HIVEP2: variants seen among roughly 807,000 people sequenced by gnomAD.
The protein encoded by HIVEP2 is HIVEP zinc finger 2, also known as transcription factor HIVEP2.
A neutral mutation model predicts 180.7 loss-of-function variants in HIVEP2; 14 were observed. The ratio of observed to expected loss-of-function variants is 0.08; its 90% CI spans 0.05 to 0.12. The LOEUF (loss-of-function observed/expected upper bound fraction) is 0.12. Ranked by LOEUF, HIVEP2 falls within the 10% of genes least tolerant of loss-of-function variation. HIVEP2 has a pLI of 1.00. For synonymous variants in HIVEP2, 1,184 were observed against 1,136.4 expected (o/e 1.04, Z -0.84); for missense variants, 2,579 against 3,008.5 (o/e 0.86, Z 3.34).
intron 1 of HIVEP2, among the ~76,000 whole-genome samples, chr6:142,918,909 C>T (rs1441466141): frequency 1.3e-5 from 2 of 152,152 alleles, no homozygotes; most frequent in Non-Finnish European, 2.9e-5. Flanking sequence ...ATATTAACAC[C>T]TGTAGTTAAC....
At position 142,829,134 on chromosome 6, in the gene HIVEP2, G is replaced by A. The variant is rs117851953; in HGVS notation, c.-528+7801C>T. 1.7e-3 allele frequency among the ~76,000 whole-genome samples: 259 copies of A among 152,214 alleles called. 8 individuals are homozygous for A. The East Asian group carries it at 0.044, about 26-fold the overall frequency. ...ATCTTTCAAACTATAACCCAATCATGTGATTCCTTAGCTCAAAAGTGGGTA... is the reference window on the plus strand; with the variant it reads ...ATCTTTCAAACTATAACCCAATCATATGATTCCTTAGCTCAAAAGTGGGTA... On this transcript the variant is annotated intron_variant, in intron 2 of 9. Coordinates refer to ENST00000367603, the MANE Select transcript of HIVEP2 (RefSeq NM_006734.4).
intron 1 of HIVEP2, among the ~76,000 whole-genome samples, chr6:142,930,122 C>T (rs564652723): frequency 1.4e-4 from 21 of 152,226 alleles, no homozygotes; most frequent in African/African-American, 5.1e-4. Context: ...ATCCTATTTC[C>T]ATGACACACT....
At chr6:142,862,445 ATATAAT>A (rs1232596314) in intron 1 of HIVEP2, among the ~76,000 whole-genome samples, 7 of 114,680 alleles carry the variant, frequency 6.1e-5, no homozygotes, top group African/African-American at 1.5e-4. Flanking sequence ...TTTATAATAC[ATATAAT>A]CGATTATATG....
At chr6:142,826,468 T>C (rs895556037) in intron 2 of HIVEP2, among the ~76,000 whole-genome samples, 2 of 152,212 alleles carry the variant, frequency 1.3e-5, no homozygotes, top group African/African-American at 2.4e-5. Flanking sequence ...GGGAATTCCC[T>C]GAGGATATTT....
intron 1 of HIVEP2, among the ~76,000 whole-genome samples, chr6:142,926,453 TA>T (rs1777812674): frequency 6.6e-6 from 1 of 152,190 alleles, no homozygotes; most frequent in Non-Finnish European, 1.5e-5. Flanking sequence ...CACAACAAAG[TA>T]AAAAGGTGGC....
At chr6:142,885,800 AAC>A (rs1466834874) in intron 1 of HIVEP2, among the ~76,000 whole-genome samples, 1 of 152,212 alleles carries the variant, frequency 6.6e-6, no homozygotes, top group Non-Finnish European at 1.5e-5. Flanking sequence ...AGTAAATTTT[AAC>A]ACAACTTTAT....
chr6:142,786,293 T>C (rs1359051435), intron 2 of HIVEP2, among the ~76,000 whole-genome samples: 3 of 152,230 alleles, frequency 2.0e-5, no homozygotes, highest in Non-Finnish European at 4.4e-5. Flanking sequence ...TTTTAGGTTA[T>C]TAGCTTCATA....
chr6:142,877,009 A>G (rs1055614248), intron 1 of HIVEP2, among the ~76,000 whole-genome samples: 1 of 152,238 alleles, frequency 6.6e-6, no homozygotes, highest in Non-Finnish European at 1.5e-5. Context: ...AGATCGCACC[A>G]CTGCACTCCA....
At chr6:142,844,313 G>A (rs1353587919) in intron 1 of HIVEP2, among the ~76,000 whole-genome samples, 2 of 151,682 alleles carry the variant, frequency 1.3e-5, no homozygotes, top group Non-Finnish European at 1.5e-5. Context: ...TTAATGAAGA[G>A]AATTGCAGAG....
At chr6:142,783,916 T>A (rs1033099333) in intron 2 of HIVEP2, among the ~76,000 whole-genome samples, 34 of 152,236 alleles carry the variant, frequency 2.2e-4, no homozygotes, top group African/African-American at 8.2e-4. Flanking sequence ...GATACGGTTC[T>A]GCCACAAAGC....
intron 1 of HIVEP2, among the ~76,000 whole-genome samples, chr6:142,856,884 G>A (rs728035): frequency 0.23 from 34,893 of 152,142 alleles, 4,908 homozygotes; most frequent in South Asian, 0.35. Flanking sequence ...TGACTGGTCC[G>A]AGACCAACCT....
chr6:142,884,559 T>C (rs1031087449), intron 1 of HIVEP2, among the ~76,000 whole-genome samples: 5 of 152,180 alleles, frequency 3.3e-5, no homozygotes, highest in Admixed American at 2.6e-4. Flanking sequence ...TGTCGTTTCA[T>C]TCACATCAGA....
chr6:142,927,031 G>A (rs1582971901), intron 1 of HIVEP2, among the ~76,000 whole-genome samples: 2 of 151,394 alleles, frequency 1.3e-5, no homozygotes, highest in African/African-American at 4.8e-5. Flanking sequence ...GGGGCGGGCG[G>A]CCAGGGCTCC....
chr6:142,918,483 T>A (rs1354185921), intron 1 of HIVEP2, among the ~76,000 whole-genome samples: 1 of 152,192 alleles, frequency 6.6e-6, no homozygotes, highest in Non-Finnish European at 1.5e-5. Context: ...ACAGACCGCG[T>A]GCCTCCTAAC....
chr6:142,861,994 G>T (rs1775990291), intron 1 of HIVEP2, among the ~76,000 whole-genome samples: 1 of 152,102 alleles, frequency 6.6e-6, no homozygotes, highest in South Asian at 2.1e-4. Context: ...TGACAAAGTG[G>T]CACTTGAAGT....
chr6:142,868,615 A>G (rs1776206144), intron 1 of HIVEP2, among the ~76,000 whole-genome samples: 1 of 152,194 alleles, frequency 6.6e-6, no homozygotes, highest in Admixed American at 6.5e-5. Context: ...AGGAATACCC[A>G]GAATGATCTA....
At chr6:142,810,226 A>G (rs754344901) in intron 2 of HIVEP2, among the ~76,000 whole-genome samples, 2 of 152,218 alleles carry the variant, frequency 1.3e-5, no homozygotes, top group African/African-American at 2.4e-5. Flanking sequence ...TATAATGACT[A>G]GACTAAGAGG....
At position 142,753,390 on chromosome 6, in the gene HIVEP2, C is replaced by G. The variant is rs1774974164; in HGVS notation, c.7058G>C (p.Arg2353Pro). ...AALLGPDQPARVQEPHQNPLG... is the reference protein window; with the variant it reads ...AALLGPDQPAPVQEPHQNPLG... ...GGGGTTCTGGTGGGGCTCCTGCACC[C>G]GCGCTGGCTGATCTGGCCCGAGCAG... The change falls in exon 10 of 10, where the codon CGG becomes CCG. Residue 2353 changes from arginine (R) to proline (P), a missense_variant. Arg to Pro is a moderately radical substitution (Grantham distance 103, BLOSUM62 -2). Coordinates refer to ENST00000367603, the MANE Select transcript of HIVEP2 (RefSeq NM_006734.4). 6.2e-7 allele frequency: 1 copy of G among 1,613,954 alleles called. No homozygotes were observed. The highest frequency in any genetic ancestry group is 1.1e-5 in the South Asian group (1 of 91,084).
intron 1 of HIVEP2, among the ~76,000 whole-genome samples, chr6:142,851,299 G>A (rs538769763): frequency 6.6e-6 from 1 of 152,260 alleles, no homozygotes; most frequent in South Asian, 2.1e-4. Context: ...CAGACACACA[G>A]GTACACCCCA....
Sources: gnomAD v4.1 joint callset for allele counts (sites outside exome capture counted in the v4.1 genomes callset) on GRCh38, gnomAD v4.1.1 for gene constraint, MANE v1.5 for transcripts, NCBI Gene and HGNC (gene_info 2026-07-23, HGNC 2026-07-21) for gene names.